The following SYNE3 variants were observed in gnomAD, a reference collection of about 807,000 sequenced individuals.
SYNE3 encodes the protein spectrin repeat containing nuclear envelope family member 3, also known as nesprin-3.
A neutral mutation model predicts 111.2 loss-of-function variants in SYNE3; 100 were observed. The ratio of observed to expected loss-of-function variants is 0.90; its 90% CI spans 0.77 to 1.06. SYNE3 has a LOEUF of 1.06. Ranked by LOEUF, SYNE3 falls within the 50% of genes least tolerant of loss-of-function variation. The pLI, the probability that SYNE3 is intolerant of heterozygous loss-of-function variation, is 0.00. For synonymous variants in SYNE3, 547 were observed against 533.9 expected (o/e 1.02, Z -0.34); for missense variants, 1,160 against 1,240.3 (o/e 0.94, Z 0.97).
intron 17 of SYNE3, among the ~76,000 whole-genome samples, chr14:95,418,473 A>C (rs1884879493): frequency 6.6e-6 from 1 of 152,176 alleles, no homozygotes; most frequent in Admixed American, 6.5e-5. Context: ...ATTAGTATGC[A>C]TCCTTAATAT....
chr14:95,432,218 A>C, intron 16 of SYNE3, 101 bp from the exon 17 acceptor site: 1 of 1,391,144 alleles, frequency 7.2e-7, no homozygotes, highest in East Asian at 2.5e-5. Flanking sequence ...TCGTTTTGTC[A>C]GGGGAGTGTT....
At chr14:95,455,064 A>T (rs535919915) in intron 6 of SYNE3, among the ~76,000 whole-genome samples, 1 of 152,274 alleles carries the variant, frequency 6.6e-6, no homozygotes, top group African/African-American at 2.4e-5. Flanking sequence ...ACTGGGCAGG[A>T]GAGTAGCTTT....
chr14:95,478,274 A>T (rs1488169485), intron 1 of SYNE3, among the ~76,000 whole-genome samples: 2 of 152,214 alleles, frequency 1.3e-5, no homozygotes, highest in African/African-American at 4.8e-5. Context: ...CGTAGCATCC[A>T]ATAAGCAGAC....
chr14:95,409,346 C>G lies in SYNE3; in HGVS notation c.*8480G>C, dbSNP rs1160548622. 4.4e-6 allele frequency: 2 copies of G among 456,644 alleles called. No homozygotes were observed. The highest frequency in any genetic ancestry group is 4.4e-6 in the Non-Finnish European group (1 of 227,000). 28.3% of individuals were successfully genotyped at this position (456,644 alleles called of 1,614,324 possible). A position where few individuals can be genotyped will look rare whatever the true frequency, so the allele number is the denominator to read the frequency against. On this transcript the variant is annotated 3_prime_UTR_variant, in exon 18 of 18. Coordinates refer to ENST00000682763, the MANE Select transcript of SYNE3 (RefSeq NM_152592.6). ...GCTCGGGGTATGTTTTCTTCCCTCC[C>G]TTTCTCATCAGAACAGGAAGAGGGA...
intron 1 of SYNE3, among the ~76,000 whole-genome samples, chr14:95,484,896 G>T (rs1418508885): frequency 6.6e-6 from 1 of 152,186 alleles, no homozygotes; most frequent in African/African-American, 2.4e-5. Flanking sequence ...TTCGCTCAGT[G>T]ATTCTCACAC....
chr14:95,466,583 T>G (rs1179645216), intron 3 of SYNE3, among the ~76,000 whole-genome samples: 2 of 152,154 alleles, frequency 1.3e-5, no homozygotes, highest in African/African-American at 4.8e-5. Context: ...GGCCCTGAAC[T>G]CCCACTGTCA....
chr14:95,434,157 T>C (rs17092227), intron 15 of SYNE3, among the ~76,000 whole-genome samples: 4,774 of 151,850 alleles, frequency 0.031, 149 homozygotes, highest in East Asian at 0.13. Flanking sequence ...AATGGCCAAC[T>C]AGATAATTGG....
intron 1 of SYNE3, among the ~76,000 whole-genome samples, chr14:95,510,613 C>T (rs1369633458): frequency 6.6e-6 from 1 of 152,136 alleles, no homozygotes; most frequent in Non-Finnish European, 1.5e-5. Flanking sequence ...CATGGTGAAA[C>T]CCCATCTCTA....
At chr14:95,443,354 C>A in intron 10 of SYNE3, 65 bp from the exon 11 acceptor site, 2 of 1,590,566 alleles carry the variant, frequency 1.3e-6, no homozygotes, top group South Asian at 1.1e-5. Context: ...GGTGGCCGAT[C>A]AGGGCAGAGC....
rs989507186 is a variant in SYNE3 at position 95,426,887 on chromosome 14, T to C, written c.2727+5192A>G. Among the ~76,000 whole-genome samples, 4 of 137,774 alleles carry C rather than the reference T, an allele frequency of 2.9e-5. No homozygotes were observed. The Admixed American group carries it at 3.3e-4, about 12-fold the overall frequency. The allele number at this position is 137,774 out of a possible 152,430, so 90.4% of individuals were successfully genotyped here. ...TGAACCCAGGAGGCGGAGCTTGCAG[T>C]GATCCAAGATCGCACCACTGCACTC... On this transcript the variant is annotated intron_variant, in intron 17 of 17. Transcript: ENST00000682763.
At chr14:95,441,113 C>G (rs892071202) in intron 11 of SYNE3, among the ~76,000 whole-genome samples, 4 of 152,200 alleles carry the variant, frequency 2.6e-5, no homozygotes, top group African/African-American at 9.7e-5. Flanking sequence ...GCCTGCCGTT[C>G]CCATTCCAGC....
chr14:95,494,842 G>A (rs1035118926), intron 1 of SYNE3, among the ~76,000 whole-genome samples: 1 of 152,214 alleles, frequency 6.6e-6, no homozygotes, highest in Non-Finnish European at 1.5e-5. Context: ...GCTGGGCGCC[G>A]TGGCTCATGC....
rs1242063189 is a variant in SYNE3, at chr14:95,445,914, G to A, written c.1627C>T (p.Leu543=). 1 of 1,613,770 alleles carries A rather than the reference G, an allele frequency of 6.2e-7. No homozygotes were observed. The highest frequency in any genetic ancestry group is 2.2e-5 in the East Asian group (1 of 44,874). ...AGATGCCTGGTGCTGCACACCTGCA[G>A]TTTGCTTTTCCTCTGCAGGAGGCTG... ...HNSLLQRKSK[L]QSLLAQHKDF... is the part of the protein sequence containing the mutation. The change falls in exon 9 of 18, where the codon CTG becomes TTG. Residue 543 remains leucine, a synonymous_variant. Coordinates refer to ENST00000682763, the MANE Select transcript of SYNE3 (RefSeq NM_152592.6).
In SYNE3 at chr14:95,470,452, G is replaced by A. The variant is rs959317852; in HGVS notation, c.145-2485C>T. ...ATGCAACCACTCTGGGCAAGACAGT[G>A]AGGCCCCATCTCTCCAAAAGCATTT... is the stretch of plus-strand genomic sequence containing the variant. On this transcript the variant is annotated intron_variant, in intron 2 of 17. Transcript: ENST00000682763. The surrounding 1 kb of genome is among the most constrained non-coding windows in gnomAD (Gnocchi z 4.2). Among the ~76,000 whole-genome samples the A allele has an allele frequency of 1.3e-5, 2 of 151,256 alleles. No individual in the cohort carries two copies. The highest frequency in any genetic ancestry group is 2.9e-5 in the Non-Finnish European group (2 of 67,942).
chr14:95,491,773 T>TAAAAAAAAAAAAAAAAAAAAA (rs34866057), intron 1 of SYNE3, among the ~76,000 whole-genome samples: 1 of 136,838 alleles, frequency 7.3e-6, no homozygotes, highest in Non-Finnish European at 1.6e-5. Context: ...GCAAAAATGT[T>TAAAAAAAAAAAAAAAAAAAAA]AAAAAAAAAA....
chr14:95,463,514 G>T (rs1197064619), intron 4 of SYNE3, among the ~76,000 whole-genome samples: 1 of 152,230 alleles, frequency 6.6e-6, no homozygotes, highest in Non-Finnish European at 1.5e-5. Context: ...TCTGCTGATT[G>T]GCACAAGCAC....
chr14:95,490,415 AC>A (rs1428172202), intron 1 of SYNE3, among the ~76,000 whole-genome samples: 2 of 152,242 alleles, frequency 1.3e-5, no homozygotes, highest in African/African-American at 4.8e-5. Flanking sequence ...TTTCTACAGC[AC>A]CATACAGGGC....
Position 95,444,508 on chromosome 14 carries a change from G to A in SYNE3, c.1753C>T (p.Gln585Ter). 1 of 1,612,638 alleles carries A rather than the reference G, an allele frequency of 6.2e-7. No individual in the cohort carries two copies. Among genetic ancestry groups the A allele is most frequent in the Non-Finnish European group, 8.5e-7 (1 of 1,179,240 alleles). ...ACCTGCAACCTTGAGAGCTGGGCCT[G>A]TTTTCCAGGAAGGTCCCGCTGAAGC... is the stretch of plus-strand genomic sequence containing the variant. ...KGLQRDLPGK[Q>*]AQLSRLQGLQ... Residue 585 changes from glutamine to a stop codon, truncating the protein, a stop_gained, in exon 10 of 18, where the codon CAG becomes TAG. Coordinates refer to ENST00000682763, the MANE Select transcript of SYNE3 (RefSeq NM_152592.6). LOFTEE classifies it high-confidence loss of function.
intron 15 of SYNE3, among the ~76,000 whole-genome samples, chr14:95,434,526 C>G (rs1885976186): frequency 1.3e-5 from 2 of 152,082 alleles, no homozygotes; most frequent in Non-Finnish European, 2.9e-5. Context: ...ACTTGCAGCC[C>G]AGTTCAAAGT....
Sources: gnomAD v4.1 joint callset for allele counts (sites outside exome capture counted in the v4.1 genomes callset) on GRCh38, gnomAD v4.1.1 for gene constraint, Gnocchi (gnomAD v3.1) non-coding constraint, MANE v1.5 for transcripts, NCBI Gene and HGNC (gene_info 2026-07-23, HGNC 2026-07-21) for gene names.